KCNMA1: variants seen among roughly 807,000 people sequenced by gnomAD.
The protein encoded by KCNMA1 is Calcium-activated potassium channel subunit alpha-1.
In KCNMA1, 29 loss-of-function variants were observed where a neutral mutation model predicts 140.0. The ratio of observed to expected loss-of-function variants is 0.21; its 90% CI spans 0.15 to 0.28. The LOEUF (loss-of-function observed/expected upper bound fraction) is 0.28, where lower values mean the gene tolerates loss of function less well. KCNMA1 is among the 10% of genes least tolerant of loss of function. The probability of loss-of-function intolerance (pLI) is 1.00; values close to 1 mark genes in which losing one functional copy is unlikely to be tolerated. For synonymous variants in KCNMA1, 612 were observed against 611.9 expected (o/e 1.00, Z 0.00); for missense variants, 880 against 1,602.2 (o/e 0.55, Z 7.70).
chr10:77,322,901 T>TCAC (rs2082774027), intron 2 of KCNMA1, among the ~76,000 whole-genome samples: 1 of 152,142 alleles, frequency 6.6e-6, no homozygotes, highest in Non-Finnish European at 1.5e-5. Context: ...TAAAGGAATA[T>TCAC]CCAAGGTCCC....
At chr10:77,003,950 A>C (rs1015477744) in intron 18 of KCNMA1, among the ~76,000 whole-genome samples, 4 of 152,134 alleles carry the variant, frequency 2.6e-5, no homozygotes, top group Non-Finnish European at 4.4e-5. Flanking sequence ...GACTGTTTGC[A>C]ACTGTTATTG....
chr10:77,002,473 C>A (rs1184638106), intron 18 of KCNMA1, among the ~76,000 whole-genome samples: 3 of 152,158 alleles, frequency 2.0e-5, no homozygotes, highest in East Asian at 1.9e-4. Flanking sequence ...CATATTATTT[C>A]TTTTTTCCTT....
chr10:77,619,341 TC>T (rs370910357), intron 1 of KCNMA1, among the ~76,000 whole-genome samples: 536 of 32,216 alleles, frequency 0.017, 4 homozygotes, highest in African/African-American at 0.055. Flanking sequence ...TCTCTCTCTC[TC>T]TCTCGTATGC....
intron 3 of KCNMA1, among the ~76,000 whole-genome samples, chr10:77,248,374 G>A (rs2069135089): frequency 6.6e-6 from 1 of 152,168 alleles, no homozygotes; most frequent in African/African-American, 2.4e-5. Flanking sequence ...GGGAGGGGCA[G>A]CTCTGGCTAA....
At chr10:77,102,518 C>T (rs944808751) in intron 9 of KCNMA1, among the ~76,000 whole-genome samples, 1 of 152,216 alleles carries the variant, frequency 6.6e-6, no homozygotes, top group African/African-American at 2.4e-5. Context: ...CCCGATAAGT[C>T]AAGCAAGCAC....
chr10:77,134,291 T>C (rs1248556579), intron 5 of KCNMA1, among the ~76,000 whole-genome samples: 1 of 151,860 alleles, frequency 6.6e-6, no homozygotes, highest in African/African-American at 2.4e-5. Context: ...AATGAAAAAA[T>C]AATCAAATAT....
At chr10:77,547,298 C>T (rs1262865536) in intron 1 of KCNMA1, among the ~76,000 whole-genome samples, 1 of 152,204 alleles carries the variant, frequency 6.6e-6, no homozygotes, top group Non-Finnish European at 1.5e-5. Context: ...CACAGGGCTG[C>T]AATCCCGACC....
chr10:77,510,056 C>A (rs943021720), intron 1 of KCNMA1, among the ~76,000 whole-genome samples: 1 of 152,080 alleles, frequency 6.6e-6, no homozygotes, highest in Non-Finnish European at 1.5e-5. Context: ...CCCACTCCTA[C>A]CCCCCACTTC....
chr10:77,600,864 C>G (rs1018828053), intron 1 of KCNMA1, among the ~76,000 whole-genome samples: 2 of 152,184 alleles, frequency 1.3e-5, no homozygotes, highest in African/African-American at 4.8e-5. Flanking sequence ...CAGGCATGCA[C>G]CAAGGGCTTC....
At position 77,019,076 on chromosome 10, in the gene KCNMA1, T is replaced by A. The variant is rs200013065; in HGVS notation, c.1952A>T (p.His651Leu). The A allele has an allele frequency of 3.2e-6, 5 of 1,582,492 alleles. No homozygotes were observed. Among genetic ancestry groups the A allele is most frequent in the Non-Finnish European group, 4.3e-6 (5 of 1,151,544 alleles). Residue 651 changes from histidine (H) to leucine (L), a missense_variant, in exon 17 of 28, where the codon CAT (histidine) becomes CTT (leucine). Coordinates refer to ENST00000286628, the MANE Select transcript of KCNMA1 (RefSeq NM_001161352.2). ...TAAAGTACCTTCTTGGATCTTAAGA[T>A]GGTTTCCAGGATTAATTAATATACT... ...ESRILINPGN[H>L]LKIQEGTLGF... is the part of the protein sequence containing the mutation.
intron 29 of KCNMA1, chr10:76,878,031 GAC>G (rs1166404669): frequency 7.0e-5 from 56 of 803,110 alleles, no homozygotes; most frequent in Non-Finnish European, 4.8e-5. Context: ...TGCTAAGAGA[GAC>G]AGTGCAGTGT....
At chr10:77,574,651 T>G (rs2073328059) in intron 1 of KCNMA1, among the ~76,000 whole-genome samples, 1 of 152,204 alleles carries the variant, frequency 6.6e-6, no homozygotes, top group Non-Finnish European at 1.5e-5. Context: ...AGCCTTTAGT[T>G]CCTTATTTCT....
chr10:76,907,599 C>T (rs1384913580), intron 25 of KCNMA1, among the ~76,000 whole-genome samples: 7 of 151,988 alleles, frequency 4.6e-5, no homozygotes, highest in African/African-American at 7.3e-5. Context: ...AGTGCAGTGG[C>T]GCTATATCAT....
intron 27 of KCNMA1, 137 bp from the exon 28 acceptor site, chr10:76,887,652 G>T: frequency 1.1e-6 from 1 of 950,036 alleles, no homozygotes; most frequent in Non-Finnish European, 1.6e-6. Context: ...CTGGTCTGAG[G>T]CCTTAAACAT....
chr10:77,232,693 T>A (rs79953423), intron 3 of KCNMA1, among the ~76,000 whole-genome samples: 157 of 152,332 alleles, frequency 1.0e-3, no homozygotes, highest in African/African-American at 3.6e-3. Context: ...TTTTCTTTTG[T>A]TGCTTTTGTG....
intron 3 of KCNMA1, among the ~76,000 whole-genome samples, chr10:77,201,918 C>G (rs1013957154): frequency 6.6e-6 from 1 of 152,248 alleles, no homozygotes; most frequent in African/African-American, 2.4e-5. Flanking sequence ...TGATAACATA[C>G]CATGCATGCC....
chr10:76,926,179 T>C lies in KCNMA1; in HGVS notation c.2903-11130A>G, dbSNP rs140795828. 7.6e-3 allele frequency among the ~76,000 whole-genome samples: 1,159 copies of C among 152,246 alleles called. 10 individuals carry two copies. The highest frequency in any genetic ancestry group is 0.027 in the Middle Eastern group (8 of 294). Reference sequence around the variant, plus strand: ...TTTGATGCTGGTTTGACTCTGAGCATCTCTCTGTACAGCGTGGTCAATAAC... The same window carrying C: ...TTTGATGCTGGTTTGACTCTGAGCACCTCTCTGTACAGCGTGGTCAATAAC... On this transcript the variant is annotated intron_variant, in intron 23 of 27. Coordinates refer to ENST00000286628, the MANE Select transcript of KCNMA1 (RefSeq NM_001161352.2).
chr10:76,887,897 A>G (rs1167323142), intron 27 of KCNMA1: 1 of 289,064 alleles, frequency 3.5e-6, no homozygotes. Flanking sequence ...AATCCCAGAT[A>G]TACATCACAA....
At chr10:77,088,988 A>G (rs1200225811) in intron 10 of KCNMA1, among the ~76,000 whole-genome samples, 1 of 152,184 alleles carries the variant, frequency 6.6e-6, no homozygotes, top group Non-Finnish European at 1.5e-5. Context: ...TGCCCAACTC[A>G]TGTGGGGGCA....
Sources: allele counts gnomAD v4.1 joint callset (sites outside exome capture counted in the v4.1 genomes callset), GRCh38; gene constraint gnomAD v4.1.1; transcripts MANE v1.5; gene names NCBI Gene and HGNC (gene_info 2026-07-23, HGNC 2026-07-21).